Variants in LPA observed in about 807,000 individuals in gnomAD.
LPA encodes apolipoprotein(a).
LPA carries 199 observed loss-of-function variants against 197.9 expected under a neutral mutation model. That is an observed-to-expected ratio of 1.01 (90% CI 0.90 to 1.13). The LOEUF (loss-of-function observed/expected upper bound fraction) is 1.13. Ranked by LOEUF, LPA falls within the 50% of genes most tolerant of loss-of-function variation. The probability of loss-of-function intolerance (pLI) is 0.00; values close to 1 mark genes in which losing one functional copy is unlikely to be tolerated. For synonymous variants in LPA, 715 were observed against 639.5 expected (o/e 1.12, Z -1.78); for missense variants, 1,853 against 1,785.8 (o/e 1.04, Z -0.68).
intron 2 of LPA, among the ~76,000 whole-genome samples, chr6:160,649,830 C>T (rs1779971006): frequency 1.3e-5 from 2 of 152,186 alleles, no homozygotes; most frequent in African/African-American, 4.8e-5. Flanking sequence ...TTCTCTCTTC[C>T]TGGCAACCCG....
chr6:160,584,237 T>TTCCTCCTCC (rs1222927075), intron 26 of LPA, among the ~76,000 whole-genome samples: 42 of 69,466 alleles, frequency 6.0e-4, no homozygotes, highest in East Asian at 2.3e-3. Flanking sequence ...CTTCTTCTTC[T>TTCCTCCTCC]TCCTCCTCCT....
Position 160,531,883 on chromosome 6 carries a change from C to A in LPA, c.5969G>T (p.Ser1990Ile). The change falls in exon 39 of 39, where the codon AGT (serine) becomes ATT (isoleucine). Residue 1990 changes from serine (S) to isoleucine (I), a missense_variant. By Grantham distance (142) the Ser-to-Ile change is moderately radical. This residue lies in a region of LPA where 1,737 missense variants were observed against 1,504.4 expected (regional missense o/e 1.15). Transcript: ENST00000316300. ...ARGTDSCQGD[S>I]GGPLVCFEKD... The stretch of plus-strand genomic sequence containing the variant: ...CTCGAAGCAAACCAGAGGCCCTCCA[C>A]TGTCACCCTAAACAGAGGTAGGGGA... 6.2e-7 allele frequency: 1 copy of A among 1,614,050 alleles called. No individual in the cohort carries two copies. The highest frequency in any genetic ancestry group is 8.5e-7 in the Non-Finnish European group (1 of 1,179,944).
chr6:160,597,215 C>T (rs927721702), intron 20 of LPA, among the ~76,000 whole-genome samples: 2 of 152,180 alleles, frequency 1.3e-5, no homozygotes, highest in Admixed American at 1.3e-4. Context: ...TAATTTTCTG[C>T]ATATTTGTTC....
At chr6:160,652,942 A>G (rs1383517529) in intron 1 of LPA, among the ~76,000 whole-genome samples, 1 of 152,196 alleles carries the variant, frequency 6.6e-6, no homozygotes, top group Non-Finnish European at 1.5e-5. Context: ...GATAAACTCA[A>G]TATAAATGAA....
chr6:160,593,321 TG>T (rs1172970856), intron 22 of LPA, among the ~76,000 whole-genome samples: 1 of 152,196 alleles, frequency 6.6e-6, no homozygotes, highest in Non-Finnish European at 1.5e-5. Context: ...ACTTTTCCTA[TG>T]TATTTGATAG....
At chr6:160,535,809 T>C (rs1315299081) in intron 37 of LPA, among the ~76,000 whole-genome samples, 2 of 152,110 alleles carry the variant, frequency 1.3e-5, no homozygotes, top group Admixed American at 6.6e-5. Context: ...AGAGATTAAA[T>C]AACTGCCCAA....
intron 20 of LPA, among the ~76,000 whole-genome samples, chr6:160,598,569 G>C (rs759271950): frequency 6.6e-6 from 1 of 152,160 alleles, no homozygotes; most frequent in African/African-American, 2.4e-5. Context: ...CGTGTCTTTG[G>C]TAGTCACTTA....
intron 30 of LPA, among the ~76,000 whole-genome samples, chr6:160,553,937 C>CTGTGTGTGTGTGTGCG (rs1778208383): frequency 7.2e-6 from 1 of 139,066 alleles, no homozygotes; most frequent in Admixed American, 7.1e-5. Context: ...CTCTCTCTCT[C>CTGTGTGTGTGTGTGCG]TGTGTGTGTG....
chr6:160,594,189 T>C, intron 21 of LPA, 72 bp from the exon 22 acceptor site: 1 of 1,564,038 alleles, frequency 6.4e-7, no homozygotes, highest in South Asian at 1.1e-5. Context: ...AATCTGTGAC[T>C]GAAACAGGAT....
chr6:160,615,369 T>G (rs1172077611), intron 14 of LPA, among the ~76,000 whole-genome samples: 1 of 138,094 alleles, frequency 7.2e-6, no homozygotes, highest in Non-Finnish European at 1.6e-5. Flanking sequence ...TGTGTGTGTG[T>G]GTGTGTGTGT....
chr6:160,610,798 A>C (rs951784777), intron 16 of LPA, among the ~76,000 whole-genome samples: 1 of 152,118 alleles, frequency 6.6e-6, no homozygotes, highest in African/African-American at 2.4e-5. Flanking sequence ...TCCAGGAAGA[A>C]AGCCAAGGCA....
intron 30 of LPA, among the ~76,000 whole-genome samples, chr6:160,554,956 G>A (rs913028399): frequency 6.6e-6 from 1 of 152,008 alleles, no homozygotes; most frequent in African/African-American, 2.4e-5. Context: ...ACGGAGTTGC[G>A]CTCATTCATT....
At chr6:160,536,225 G>C (rs1478454129) in intron 37 of LPA, among the ~76,000 whole-genome samples, 1 of 152,140 alleles carries the variant, frequency 6.6e-6, no homozygotes, top group East Asian at 1.9e-4. Context: ...CCCAAATAGT[G>C]CCTACTCCAT....
intron 21 of LPA, 112 bp downstream of exon 21, chr6:160,595,242 C>T: frequency 7.3e-7 from 1 of 1,364,628 alleles, no homozygotes; most frequent in Non-Finnish European, 1.0e-6. Context: ...ACCCTGAGTC[C>T]ACATTCTACT....
intron 37 of LPA, among the ~76,000 whole-genome samples, chr6:160,536,702 C>A (rs961833194): frequency 2.0e-5 from 3 of 152,154 alleles, no homozygotes; most frequent in Non-Finnish European, 4.4e-5. Context: ...CCTCCCACAC[C>A]CATAGGTGCC....
At position 160,611,589 on chromosome 6, in the gene LPA, C is replaced by A. The variant is rs201483335; in HGVS notation, c.2576G>T (p.Ser859Ile). ...ATTTGGGTAGTATTCTGGGGTCCGA[C>A]TATGCGAGTGTGGTGTCATAGATGA... ...AWSSMTPHSH[S>I]RTPEYYPNAG... The change falls in exon 16 of 39, where the codon AGT (serine) becomes ATT (isoleucine). Residue 859 changes from serine to isoleucine, a missense_variant. Physicochemically the swap from Ser to Ile is moderately radical, Grantham distance 142 (BLOSUM62 -2). Around this residue, in one of 3 missense-constraint regions of LPA, gnomAD observed 1,737 missense variants for 1,504.4 expected, o/e 1.15. Coordinates refer to ENST00000316300, the MANE Select transcript of LPA (RefSeq NM_005577.4). 3.7e-5 allele frequency: 59 copies of A among 1,604,292 alleles called. No individual in the cohort carries two copies. Among genetic ancestry groups the A allele is most frequent in the Middle Eastern group, 4.0e-4 (2 of 4,992 alleles).
intron 26 of LPA, among the ~76,000 whole-genome samples, chr6:160,584,335 T>C (rs1165339103): frequency 1.4e-5 from 1 of 69,472 alleles, no homozygotes; most frequent in Non-Finnish European, 3.6e-5. Context: ...CTTCTTCTTC[T>C]TTTTTTTTTT....
Position 160,589,699 on chromosome 6 carries a change from T to G in LPA, c.3801A>C (p.Gln1267His). The G allele has an allele frequency of 6.2e-7, 1 of 1,613,838 alleles. No homozygotes were observed. The highest frequency in any genetic ancestry group is 1.3e-5 in the African/African-American group (1 of 74,998). ...TAVSEQAPTEQSPTVQDCYHG... is the reference protein window; with the variant it reads ...TAVSEQAPTEHSPTVQDCYHG... Reference sequence around the variant, plus strand: ...GGTAGCAGTCCTGGACTGTGGGGCTTTGCTCCGTTGGTGCTGAAATTCAAA... The same window carrying G: ...GGTAGCAGTCCTGGACTGTGGGGCTGTGCTCCGTTGGTGCTGAAATTCAAA... The change falls in exon 24 of 39, where the codon CAA becomes CAC. Residue 1267 changes from glutamine to histidine, a missense_variant. By Grantham distance (24) the Gln-to-His change is conservative. This residue lies in a region of LPA where 1,737 missense variants were observed against 1,504.4 expected (regional missense o/e 1.15). Transcript: ENST00000316300.
chr6:160,606,448 G>A (rs749733712), intron 17 of LPA, 29 bp downstream of exon 17: 4 of 1,611,488 alleles, frequency 2.5e-6, no homozygotes, highest in Non-Finnish European at 3.4e-6. Context: ...GCATCGAAAC[G>A]TGTAGGTTTC....
Sources: gnomAD v4.1 joint callset for allele counts (sites outside exome capture counted in the v4.1 genomes callset) on GRCh38, gnomAD v4.1.1 for gene constraint, gnomAD v4.1.1 regional missense constraint, MANE v1.5 for transcripts, NCBI Gene and HGNC (gene_info 2026-07-23, HGNC 2026-07-21) for gene names.